The following PANX1 variants were observed in gnomAD, a reference collection of about 807,000 sequenced individuals.
The protein encoded by PANX1 is pannexin-1.
PANX1 carries 30 observed loss-of-function variants against 38.7 expected under a neutral mutation model. The ratio of observed to expected loss-of-function variants is 0.78; its 90% CI spans 0.58 to 1.05. The LOEUF (loss-of-function observed/expected upper bound fraction) is 1.05, where lower values mean the gene tolerates loss of function less well. Among genes scored for constraint, PANX1 ranks in the 50% least tolerant of loss-of-function variants. The probability of loss-of-function intolerance (pLI) is 0.00; values close to 1 mark genes in which losing one functional copy is unlikely to be tolerated. For missense variants in PANX1, 551 were observed against 517.2 expected (o/e 1.07, Z -0.63); for synonymous variants, 230 against 212.2 (o/e 1.08, Z -0.73).
At chr11:94,180,394 G>A (rs1405663983) in intron 4 of PANX1, 137 bp downstream of exon 4, 3 of 698,920 alleles carry the variant, frequency 4.3e-6, no homozygotes, top group South Asian at 4.3e-5. Flanking sequence ...ACCAAGGTGC[G>A]GGGTAGGGGG....
At chr11:94,162,806 C>T (rs60197470) in intron 2 of PANX1, among the ~76,000 whole-genome samples, 47,153 of 151,078 alleles carry the variant, frequency 0.31, 7,766 homozygotes, top group Admixed American at 0.39. Flanking sequence ...TCTTCTGCGT[C>T]GCTCACACTG....
In PANX1 at chr11:94,180,799, TAGAC is replaced by T. The variant is rs1001303786; in HGVS notation, c.1214_1217del (p.Asp405ValfsTer27). The T allele has an allele frequency of 2.0e-6, 3 of 1,511,426 alleles. No homozygotes were observed. The highest frequency in any genetic ancestry group is 2.8e-6 in the Non-Finnish European group (3 of 1,086,264). The allele number at this position is 1,511,426 out of a possible 1,614,324, so 93.6% of individuals were successfully genotyped here. On this transcript the variant is annotated frameshift_variant, in exon 5 of 5. Transcript: ENST00000227638. LOFTEE classifies it high-confidence loss of function. ...TTTTCAATTTTGACAGGTATGAACA[TAGAC>T]AGTGAAACTAAAGCAAATAATGGAG...
chr11:94,180,522 ACTCT>A (rs1491428944), intron 4 of PANX1, among the ~76,000 whole-genome samples: 1 of 151,478 alleles, frequency 6.6e-6, no homozygotes, highest in South Asian at 2.1e-4. Flanking sequence ...TCTGTCTCAC[ACTCT>A]CTCTTGCTCA....
chr11:94,139,747 C>T (rs187882240), intron 1 of PANX1, among the ~76,000 whole-genome samples: 7 of 152,298 alleles, frequency 4.6e-5, no homozygotes, highest in Admixed American at 1.3e-4. Context: ...AGGGCATCCA[C>T]GTTACATCCA....
chr11:94,165,391 C>G (rs1161024381), intron 2 of PANX1, among the ~76,000 whole-genome samples: 1 of 151,606 alleles, frequency 6.6e-6, no homozygotes, highest in African/African-American at 2.4e-5. Flanking sequence ...TACATGTGCA[C>G]AACGTGCAGG....
intron 1 of PANX1, among the ~76,000 whole-genome samples, chr11:94,153,140 C>T (rs1946903757): frequency 6.6e-6 from 1 of 152,178 alleles, no homozygotes; most frequent in South Asian, 2.1e-4. Flanking sequence ...CATAACCTTT[C>T]CTTTTTCTCA....
At chr11:94,132,629 C>T (rs778615137) in intron 1 of PANX1, among the ~76,000 whole-genome samples, 11 of 151,980 alleles carry the variant, frequency 7.2e-5, no homozygotes, top group African/African-American at 1.2e-4. Flanking sequence ...AAATTAGAAA[C>T]GAGAAAATCA....
chr11:94,137,327 A>G (rs1946707102), intron 1 of PANX1, among the ~76,000 whole-genome samples: 1 of 152,102 alleles, frequency 6.6e-6, no homozygotes, highest in Non-Finnish European at 1.5e-5. Context: ...GATAGATAAA[A>G]CCTGAAAATA....
intron 1 of PANX1, among the ~76,000 whole-genome samples, chr11:94,140,613 T>C (rs1176160887): frequency 6.6e-6 from 1 of 152,258 alleles, no homozygotes; most frequent in Non-Finnish European, 1.5e-5. Flanking sequence ...CACTTTTTCC[T>C]ACTACAAACA....
At chr11:94,160,813 C>G (rs550038406) in intron 2 of PANX1, among the ~76,000 whole-genome samples, 1 of 152,300 alleles carries the variant, frequency 6.6e-6, no homozygotes, top group African/African-American at 2.4e-5. Flanking sequence ...CAATTTCTTC[C>G]TAGCCTCGAT....
intron 3 of PANX1, among the ~76,000 whole-genome samples, chr11:94,178,938 G>T (rs114685879): frequency 0.012 from 1,848 of 152,218 alleles, 38 homozygotes; most frequent in African/African-American, 0.042. Context: ...TAATGGAGAC[G>T]CACAGAGGAT....
intron 2 of PANX1, among the ~76,000 whole-genome samples, chr11:94,158,049 G>C (rs936899358): frequency 7.2e-5 from 11 of 152,124 alleles, no homozygotes; most frequent in Non-Finnish European, 1.5e-4. Context: ...ATATCAGATG[G>C]TTGTAGATAT....
chr11:94,167,568 G>A (rs1176860499), intron 2 of PANX1, among the ~76,000 whole-genome samples: 1 of 152,192 alleles, frequency 6.6e-6, no homozygotes, highest in African/African-American at 2.4e-5. Context: ...AAACAAACCT[G>A]TTGGAGATCC....
chr11:94,132,587 TTTGTG>T lies in PANX1; in HGVS notation c.181+3098_181+3102del, dbSNP rs542043610. 8.5e-5 allele frequency among the ~76,000 whole-genome samples: 13 copies of T among 152,116 alleles called. No homozygotes were observed. In the South Asian group the frequency reaches 2.7e-3, roughly 32 times the overall value. On this transcript the variant is annotated intron_variant, in intron 1 of 4. Coordinates refer to ENST00000227638, the MANE Select transcript of PANX1 (RefSeq NM_015368.4). ...CATAGCAAATCCCATTGTTTTCCTGTTTGTGTTGGGGGGGTGGTGTGTGTGTGTAT... is the reference window on the plus strand; with the variant it reads ...CATAGCAAATCCCATTGTTTTCCTGTTTGGGGGGGTGGTGTGTGTGTGTAT...
intron 1 of PANX1, among the ~76,000 whole-genome samples, chr11:94,132,368 G>A (rs1946639803): frequency 6.6e-6 from 1 of 152,192 alleles, no homozygotes; most frequent in African/African-American, 2.4e-5. Context: ...AGAAGGAGGG[G>A]TTTCTTCTGA....
At chr11:94,144,781 G>A (rs1946808159) in intron 1 of PANX1, among the ~76,000 whole-genome samples, 1 of 152,154 alleles carries the variant, frequency 6.6e-6, no homozygotes, top group South Asian at 2.1e-4. Context: ...GTTGGGGAAA[G>A]AGTATGACCA....
At chr11:94,139,167 C>G (rs1946733167) in intron 1 of PANX1, among the ~76,000 whole-genome samples, 2 of 152,082 alleles carry the variant, frequency 1.3e-5, no homozygotes, top group African/African-American at 4.8e-5. Context: ...ATGAAAATAC[C>G]AGACCATCCA....
intron 2 of PANX1, among the ~76,000 whole-genome samples, chr11:94,166,661 G>A (rs747446509): frequency 4.6e-4 from 70 of 152,138 alleles, no homozygotes; most frequent in Non-Finnish European, 9.6e-4. Flanking sequence ...AGTCTTCTTT[G>A]TGTCCTTTAA....
intron 1 of PANX1, among the ~76,000 whole-genome samples, chr11:94,150,139 T>C (rs1191313809): frequency 6.6e-6 from 1 of 152,110 alleles, no homozygotes; most frequent in African/African-American, 2.4e-5. Context: ...GTATGGGGCA[T>C]TGACTTAACA....
Sources: gnomAD v4.1 joint callset for allele counts (sites outside exome capture counted in the v4.1 genomes callset) on GRCh38, gnomAD v4.1.1 for gene constraint, MANE v1.5 for transcripts, NCBI Gene and HGNC (gene_info 2026-07-23, HGNC 2026-07-21) for gene names.